The following CPNE8 variants were observed in gnomAD, a reference collection of about 807,000 sequenced individuals.
CPNE8 encodes copine-8.
Under a neutral mutation model 81.5 loss-of-function variants are expected in CPNE8, and 45 were observed. The ratio of observed to expected loss-of-function variants is 0.55; its 90% confidence interval spans 0.44 to 0.71. The LOEUF is 0.71. CPNE8 is among the 30% of genes least tolerant of loss of function. The probability of loss-of-function intolerance (pLI) is 0.00; values close to 1 mark genes in which losing one functional copy is unlikely to be tolerated. For missense variants in CPNE8, 594 were observed against 672.1 expected (o/e 0.88, Z 1.28); for synonymous variants, 252 against 226.3 (o/e 1.11, Z -1.02).
intron 1 of CPNE8, among the ~76,000 whole-genome samples, chr12:38,892,471 T>C (rs1944326521): frequency 6.6e-6 from 1 of 151,980 alleles, no homozygotes; most frequent in East Asian, 1.9e-4. Context: ...ACAGCAGAAA[T>C]GGAAAGGAGG....
intron 14 of CPNE8, among the ~76,000 whole-genome samples, chr12:38,694,140 T>C (rs1939742414): frequency 6.6e-6 from 1 of 152,178 alleles, no homozygotes; most frequent in Non-Finnish European, 1.5e-5. Context: ...AGTACTTTTG[T>C]TAATCTTATT....
intron 6 of CPNE8, among the ~76,000 whole-genome samples, chr12:38,806,066 C>A (rs1942794229): frequency 6.7e-6 from 1 of 150,300 alleles, no homozygotes. Context: ...GAAGTTGAAT[C>A]TCTGAATAGA....
chr12:38,777,844 G>T (rs983207717), intron 6 of CPNE8, among the ~76,000 whole-genome samples: 5 of 152,176 alleles, frequency 3.3e-5, no homozygotes, highest in Non-Finnish European at 7.4e-5. Context: ...AGCCTCATCT[G>T]TTTTCACAGC....
At chr12:38,882,426 C>T (rs371084371) in intron 1 of CPNE8, among the ~76,000 whole-genome samples, 2 of 152,068 alleles carry the variant, frequency 1.3e-5, no homozygotes, top group African/African-American at 4.8e-5. Context: ...GATTTCAGCC[C>T]GGCAATACTG....
intron 6 of CPNE8, among the ~76,000 whole-genome samples, chr12:38,779,984 C>A (rs892969836): frequency 1.2e-4 from 19 of 152,204 alleles, no homozygotes; most frequent in Admixed American, 5.2e-4. Context: ...GCTGTCATTG[C>A]CAGTGCCAAT....
At chr12:38,858,823 A>G (rs1943786275) in intron 3 of CPNE8, among the ~76,000 whole-genome samples, 1 of 152,222 alleles carries the variant, frequency 6.6e-6, no homozygotes, top group Non-Finnish European at 1.5e-5. Context: ...AAGCAAATCA[A>G]TTAGTGCAAT....
chr12:38,666,992 AG>A (rs1939070087), intron 19 of CPNE8, among the ~76,000 whole-genome samples: 2 of 152,170 alleles, frequency 1.3e-5, no homozygotes, highest in South Asian at 4.1e-4. Flanking sequence ...CACTTAATAA[AG>A]GGTTAAATAT....
intron 13 of CPNE8, among the ~76,000 whole-genome samples, chr12:38,723,326 A>T (rs1228099384): frequency 6.6e-6 from 1 of 151,986 alleles, no homozygotes; most frequent in Non-Finnish European, 1.5e-5. Context: ...CCTGTCTGAG[A>T]GCTGTGGGAC....
chr12:38,733,715 G>A (rs1360562101), intron 10 of CPNE8, among the ~76,000 whole-genome samples: 3 of 151,794 alleles, frequency 2.0e-5, no homozygotes, highest in African/African-American at 4.8e-5. Flanking sequence ...AAAGTCTGAG[G>A]GAATGAATTA....
intron 10 of CPNE8, among the ~76,000 whole-genome samples, chr12:38,737,200 A>G (rs530157924): frequency 6.6e-6 from 1 of 152,040 alleles, no homozygotes; most frequent in Non-Finnish European, 1.5e-5. Context: ...TGACATATTC[A>G]ATGCTGAACA....
chr12:38,769,723 T>A (rs962959570), intron 7 of CPNE8, among the ~76,000 whole-genome samples: 6 of 152,208 alleles, frequency 3.9e-5, no homozygotes, highest in Admixed American at 3.9e-4. Context: ...ATGTGTTTAT[T>A]TCAAATAGAT....
At chr12:38,659,614 G>C (rs143233902) in intron 19 of CPNE8, among the ~76,000 whole-genome samples, 1 of 152,022 alleles carries the variant, frequency 6.6e-6, no homozygotes, top group African/African-American at 2.4e-5. Flanking sequence ...GCACCACATC[G>C]CACGTATTCC....
At chr12:38,881,197 G>A (rs1200646666) in intron 1 of CPNE8, among the ~76,000 whole-genome samples, 8 of 138,944 alleles carry the variant, frequency 5.8e-5, no homozygotes, top group African/African-American at 2.2e-4. Context: ...CGGACACAGC[G>A]AGATTCCGTC....
At chr12:38,754,875 G>A (rs538858405) in intron 10 of CPNE8, among the ~76,000 whole-genome samples, 3 of 152,258 alleles carry the variant, frequency 2.0e-5, no homozygotes, top group African/African-American at 4.8e-5. Flanking sequence ...TTAAATACAG[G>A]TTTAGGATAT....
chr12:38,799,057 C>G (rs867801604), intron 6 of CPNE8, among the ~76,000 whole-genome samples: 17 of 152,074 alleles, frequency 1.1e-4, no homozygotes, highest in Admixed American at 4.6e-4. Flanking sequence ...AGCAAGTCCT[C>G]AGTGACCTAC....
chr12:38,767,883 T>A, intron 7 of CPNE8, 145 bp from the exon 8 acceptor site: 1 of 478,668 alleles, frequency 2.1e-6, no homozygotes, highest in Non-Finnish European at 3.6e-6. Flanking sequence ...CAACATAAAA[T>A]TGCTTTTTAA....
At chr12:38,797,979 C>A (rs529162202) in intron 6 of CPNE8, among the ~76,000 whole-genome samples, 3 of 151,608 alleles carry the variant, frequency 2.0e-5, no homozygotes, top group Non-Finnish European at 4.4e-5. Flanking sequence ...TGAAATGAAG[C>A]GAGAAGGGAA....
rs537485920 is a variant in CPNE8 at position 38,657,644 on chromosome 12, T to A, written c.1507-3574A>T. Among the ~76,000 whole-genome samples the A allele has an allele frequency of 4.6e-4, 70 of 152,200 alleles. 1 individual carries two copies. The highest frequency in any genetic ancestry group is 6.8e-3 in the Middle Eastern group (2 of 294). On this transcript the variant is annotated intron_variant, in intron 19 of 19. Coordinates refer to ENST00000331366, the MANE Select transcript of CPNE8 (RefSeq NM_153634.3). The stretch of plus-strand genomic sequence containing the variant: ...CCAGTAGGGGCCGATAGACACCTCA[T>A]ACAGCTGGGTGCCCCTCTGGGACGA...
At chr12:38,897,307 TC>T in intron 1 of CPNE8, among the ~76,000 whole-genome samples, 1 of 152,066 alleles carries the variant, frequency 6.6e-6, no homozygotes, top group East Asian at 1.9e-4. Context: ...GCTACCAAAA[TC>T]CCTTTGAGAA....
Sources: allele counts gnomAD v4.1 joint callset (sites outside exome capture counted in the v4.1 genomes callset), GRCh38; gene constraint gnomAD v4.1.1; transcripts MANE v1.5; gene names NCBI Gene and HGNC (gene_info 2026-07-23, HGNC 2026-07-21).